The following PMM2 variants were observed in gnomAD, a reference collection of about 807,000 sequenced individuals.
The protein encoded by PMM2 is mannose-6-phosphate isomerase.
In PMM2, 35 loss-of-function variants were observed where a neutral mutation model predicts 33.2. That is an observed-to-expected ratio of 1.06 (90% confidence interval 0.81 to 1.40). The LOEUF is 1.40. PMM2 is among the 40% of genes most tolerant of loss of function. PMM2 has a pLI of 0.00. For missense variants in PMM2, 386 were observed against 306.0 expected (o/e 1.26, Z -1.95); for synonymous variants, 153 against 114.7 (o/e 1.33, Z -2.13).
intron 7 of PMM2, among the ~76,000 whole-genome samples, chr16:8,827,709 T>A (rs2060777791): frequency 8.1e-6 from 1 of 123,638 alleles, no homozygotes; most frequent in African/African-American, 3.2e-5. Flanking sequence ...AAAGGCCTTT[T>A]AAATGTGTGC....
chr16:8,812,889 G>A, intron 6 of PMM2, 102 bp from the exon 7 acceptor site: 1 of 772,546 alleles, frequency 1.3e-6, no homozygotes, highest in Non-Finnish European at 2.4e-6. Flanking sequence ...ATCAACCTTG[G>A]CAACCCACTA....
chr16:8,843,747 G>A (rs2060906166), intron 7 of PMM2, among the ~76,000 whole-genome samples: 1 of 152,160 alleles, frequency 6.6e-6, no homozygotes, highest in African/African-American at 2.4e-5. Flanking sequence ...CTAATTTTTG[G>A]AGTTTTATTT....
chr16:8,814,574 G>C (rs1012181267), intron 7 of PMM2, among the ~76,000 whole-genome samples: 1 of 152,178 alleles, frequency 6.6e-6, no homozygotes, highest in Non-Finnish European at 1.5e-5. Context: ...GGTAGTAGAG[G>C]CTTGTTACTT....
chr16:8,831,625 G>A (rs989721839), intron 7 of PMM2, among the ~76,000 whole-genome samples: 13 of 152,222 alleles, frequency 8.5e-5, no homozygotes, highest in Admixed American at 2.6e-4. Flanking sequence ...TGCTACCAGC[G>A]AAGCAGTTCA....
chr16:8,811,169 A>G lies in PMM2; in HGVS notation c.438A>G (p.Glu146=). Reference sequence around the variant, plus strand: ...AAGAAGAACGCATTGAGTTCTACGAACTCGATAAAGTACGTCTTTCTGAAA... The same window carrying G: ...AAGAAGAACGCATTGAGTTCTACGAGCTCGATAAAGTACGTCTTTCTGAAA... ...CSQEERIEFY[E]LDKKENIRQK... Residue 146 remains glutamate (E), a synonymous_variant, in exon 5 of 8, where the codon GAA becomes GAG. Transcript: ENST00000268261. 1 of 1,556,770 alleles carries G rather than the reference A, an allele frequency of 6.4e-7. No homozygotes were observed. Among genetic ancestry groups the G allele is most frequent in the Non-Finnish European group, 8.7e-7 (1 of 1,143,336 alleles).
chr16:8,811,604 C>T (rs745971194), intron 5 of PMM2, 34 bp from the exon 6 acceptor site: 7 of 1,372,556 alleles, frequency 5.1e-6, no homozygotes, highest in Non-Finnish European at 7.3e-6. Flanking sequence ...AACTGCAATA[C>T]AAGAAACAAT....
In PMM2 at chr16:8,849,067, A is replaced by G. The variant is rs2060948607; in HGVS notation, c.*1242A>G. On this transcript the variant is annotated 3_prime_UTR_variant, in exon 8 of 8. Coordinates refer to ENST00000268261, the MANE Select transcript of PMM2 (RefSeq NM_000303.3). ...CACTTGCCGACCTGAGTCTGGGGCC[A>G]GGGGAGCCCAGGCTGCCCTGCACTC... 6.6e-6 allele frequency: 1 copy of G among 152,274 alleles called. No homozygotes were observed. Among genetic ancestry groups the G allele is most frequent in the Admixed American group, 6.5e-5 (1 of 15,276 alleles). 9.4% of individuals were successfully genotyped at this position (152,274 alleles called of 1,614,324 possible). A position where few individuals can be genotyped will look rare whatever the true frequency, so the allele number is the denominator to read the frequency against.
chr16:8,810,975 T>C (rs899391127), intron 4 of PMM2, 104 bp from the exon 5 acceptor site: 68 of 736,026 alleles, frequency 9.2e-5, no homozygotes, highest in Non-Finnish European at 1.5e-4. Flanking sequence ...TTGACCACAC[T>C]AGCCTCTGCT....
Position 8,813,015 on chromosome 16 carries a change from T to C in PMM2, c.548T>C (p.Phe183Ser), listed in dbSNP as rs780581250. 27 of 1,612,978 alleles carry C rather than the reference T, an allele frequency of 1.7e-5. No individual in the cohort carries two copies. The highest frequency in any genetic ancestry group is 2.2e-5 in the Non-Finnish European group (26 of 1,178,872). The change falls in exon 7 of 8, where the codon TTT becomes TCT. Residue 183 changes from phenylalanine (F) to serine (S), a missense_variant. Physicochemically the swap from Phe to Ser is radical, Grantham distance 155. Transcript: ENST00000268261. Reference protein sequence around the residue: ...SIGGQISFDVFPDGWDKRYCL... With the variant: ...SIGGQISFDVSPDGWDKRYCL... The stretch of plus-strand genomic sequence containing the variant: ...GGAGGCCAGATCAGCTTTGATGTCT[T>C]TCCTGATGGATGGGACAAGAGATAC...
chr16:8,827,400 A>T (rs1189400162), intron 7 of PMM2, among the ~76,000 whole-genome samples: 33 of 146,718 alleles, frequency 2.2e-4, no homozygotes, highest in African/African-American at 4.2e-4. Context: ...TTTTATTTTT[A>T]TTTTTTTTTG....
In PMM2 at chr16:8,849,098, T is replaced by A. The variant is rs2060949024; in HGVS notation, c.*1273T>A. The A allele has an allele frequency of 6.6e-6, 1 of 152,222 alleles. No homozygotes were observed. Among genetic ancestry groups the A allele is most frequent in the African/African-American group, 2.4e-5 (1 of 41,422 alleles). 9.4% of individuals were successfully genotyped at this position (152,222 alleles called of 1,614,324 possible). A position where few individuals can be genotyped will look rare whatever the true frequency, so the allele number is the denominator to read the frequency against. On this transcript the variant is annotated 3_prime_UTR_variant, in exon 8 of 8. Transcript: ENST00000268261. ...GCCCAGGCTGCCCTGCACTCCTGCCTCCCAGCCCACAGCCAGGTGCTTTCA... is the reference window on the plus strand; with the variant it reads ...GCCCAGGCTGCCCTGCACTCCTGCCACCCAGCCCACAGCCAGGTGCTTTCA...
chr16:8,821,683 C>A lies in PMM2; in HGVS notation c.639+8577C>A, dbSNP rs192509124. Among the ~76,000 whole-genome samples the A allele has an allele frequency of 4.6e-5, 7 of 152,364 alleles. No individual in the cohort carries two copies. The East Asian group carries it at 1.3e-3, about 29-fold the overall frequency. ...GAGCCGTCAACAGACCCAAGGGTCA[C>A]TCGCCCTAGGGCCACTAGCCCCTTG... On this transcript the variant is annotated intron_variant, in intron 7 of 7. Coordinates refer to ENST00000268261, the MANE Select transcript of PMM2 (RefSeq NM_000303.3).
intron 7 of PMM2, among the ~76,000 whole-genome samples, chr16:8,839,026 G>A (rs2060871923): frequency 6.6e-6 from 1 of 152,024 alleles, no homozygotes; most frequent in Admixed American, 6.6e-5. Flanking sequence ...GATGCTAGCA[G>A]AGAAGTCATT....
intron 7 of PMM2, among the ~76,000 whole-genome samples, chr16:8,833,438 G>A (rs1331770292): frequency 2.6e-5 from 4 of 152,136 alleles, no homozygotes; most frequent in East Asian, 1.9e-4. Context: ...CAGGGGATGC[G>A]ATGGCTTGGC....
At chr16:8,836,106 C>T (rs929556963) in intron 7 of PMM2, among the ~76,000 whole-genome samples, 1 of 151,530 alleles carries the variant, frequency 6.6e-6, no homozygotes, top group Non-Finnish European at 1.5e-5. Context: ...GCCGTCAATA[C>T]CCACAACAGT....
intron 7 of PMM2, among the ~76,000 whole-genome samples, chr16:8,824,075 G>C (rs1023874814): frequency 1.3e-5 from 2 of 152,192 alleles, no homozygotes; most frequent in African/African-American, 4.8e-5. Context: ...GGAGAAATCA[G>C]AGAGAAGGCA....
chr16:8,847,751 G>T lies in PMM2; in HGVS notation c.667G>T (p.Asp223Tyr), dbSNP rs201960869. The T allele has an allele frequency of 6.2e-7, 1 of 1,613,956 alleles. No homozygotes were observed. Among genetic ancestry groups the T allele is most frequent in the Non-Finnish European group, 8.5e-7 (1 of 1,179,880 alleles). The change falls in exon 8 of 8, where the codon GAC becomes TAC. Residue 223 changes from aspartate (D) to tyrosine (Y), a missense_variant. Coordinates refer to ENST00000268261, the MANE Select transcript of PMM2 (RefSeq NM_000303.3). ...TGGCAATGACCATGAGATCTTCACA[G>T]ACCCCAGAACCATGGGCTACTCCGT... ...PGGNDHEIFT[D>Y]PRTMGYSVTA...
chr16:8,836,566 G>T (rs1475584798), intron 7 of PMM2, among the ~76,000 whole-genome samples: 1 of 151,994 alleles, frequency 6.6e-6, no homozygotes, highest in Admixed American at 6.5e-5. Context: ...ATGTGGCTGG[G>T]GTTTGTCTCA....
chr16:8,846,989 G>T (rs549292429), intron 7 of PMM2, among the ~76,000 whole-genome samples: 3 of 151,922 alleles, frequency 2.0e-5, no homozygotes, highest in Non-Finnish European at 4.4e-5. Context: ...TCAGCCTCCC[G>T]AGCAGCTGGG....
Sources: allele counts gnomAD v4.1 joint callset (sites outside exome capture counted in the v4.1 genomes callset), GRCh38; gene constraint gnomAD v4.1.1; transcripts MANE v1.5; gene names NCBI Gene and HGNC (gene_info 2026-07-23, HGNC 2026-07-21).